GLI2: variants seen among roughly 807,000 people sequenced by gnomAD.
GLI2 encodes the protein GLI family zinc finger 2.
A neutral mutation model predicts 78.9 loss-of-function variants in GLI2; 22 were observed. The observed-to-expected ratio is 0.28, with a 90% confidence interval of 0.20 to 0.40. GLI2 has a LOEUF of 0.40. GLI2 is among the 10% of genes least tolerant of loss of function. GLI2 has a pLI of 1.00. For missense variants in GLI2, 2,097 were observed against 2,213.2 expected, an observed-to-expected ratio of 0.95 and a Z score of 1.05; for synonymous variants, 974 against 963.7, an observed-to-expected ratio of 1.01 and a Z score of -0.20.
At position 120,787,686 on chromosome 2, in the gene GLI2, G is replaced by A. The variant is rs543947019; in HGVS notation, c.-30-9605G>A. 1.1e-4 allele frequency among the ~76,000 whole-genome samples: 16 copies of A among 152,342 alleles called. No homozygotes were observed. The East Asian group carries it at 2.9e-3, about 28-fold the overall frequency. On this transcript the variant is annotated intron_variant, in intron 1 of 13. Transcript: ENST00000361492. Reference sequence around the variant, plus strand: ...GCTGTTAAAATATCTGGGTCTGGCGGGCCGGCCACACAGTGGGCCCCTTGT... The same window carrying A: ...GCTGTTAAAATATCTGGGTCTGGCGAGCCGGCCACACAGTGGGCCCCTTGT...
chr2:120,896,693 C>CCACACACA (rs1453185444), intron 2 of GLI2, among the ~76,000 whole-genome samples: 1 of 106,888 alleles, frequency 9.4e-6, no homozygotes, highest in Non-Finnish European at 1.9e-5. Context: ...TCACACACAC[C>CCACACACA]CATACACACA....
At chr2:120,824,902 C>T (rs929500985) in intron 2 of GLI2, among the ~76,000 whole-genome samples, 1 of 152,146 alleles carries the variant, frequency 6.6e-6, no homozygotes, top group South Asian at 2.1e-4. Flanking sequence ...GTGACACAAT[C>T]GTGGCCCACT....
chr2:120,925,730 C>G (rs1679629266), intron 2 of GLI2, among the ~76,000 whole-genome samples: 1 of 151,974 alleles, frequency 6.6e-6, no homozygotes, highest in African/African-American at 2.4e-5. Flanking sequence ...GTGATGATTA[C>G]ACAACAATGC....
chr2:120,895,513 G>C (rs956521384), intron 2 of GLI2, among the ~76,000 whole-genome samples: 7 of 152,082 alleles, frequency 4.6e-5, no homozygotes, highest in African/African-American at 1.7e-4. Context: ...GACCAACCTG[G>C]CCAACATGGT....
At chr2:120,973,732 G>A (rs901287485) in intron 8 of GLI2, among the ~76,000 whole-genome samples, 10 of 152,210 alleles carry the variant, frequency 6.6e-5, no homozygotes, top group Non-Finnish European at 1.2e-4. Context: ...GCTATTGTAC[G>A]ACATGTTGTT....
At chr2:120,841,849 G>T (rs952995235) in intron 2 of GLI2, among the ~76,000 whole-genome samples, 2 of 56,226 alleles carry the variant, frequency 3.6e-5, no homozygotes, top group Non-Finnish European at 6.7e-5. Flanking sequence ...AGTCTGGAGG[G>T]TGTGTGTGTG....
At chr2:120,910,787 C>T (rs1230585586) in intron 2 of GLI2, among the ~76,000 whole-genome samples, 1 of 152,214 alleles carries the variant, frequency 6.6e-6, no homozygotes, top group African/African-American at 2.4e-5. Flanking sequence ...CCCCTGGGTC[C>T]CTCCCGGACT....
intron 3 of GLI2, among the ~76,000 whole-genome samples, chr2:120,937,048 C>T (rs1053586141): frequency 6.6e-6 from 1 of 152,170 alleles, no homozygotes; most frequent in Non-Finnish European, 1.5e-5. Flanking sequence ...TCCATCCCCT[C>T]CTTCCAAGGA....
At chr2:120,845,298 GAA>G (rs1687062616) in intron 2 of GLI2, among the ~76,000 whole-genome samples, 1 of 151,962 alleles carries the variant, frequency 6.6e-6, no homozygotes, top group Admixed American at 6.6e-5. Flanking sequence ...AAATGAAGGA[GAA>G]AGAGATGCTT....
intron 2 of GLI2, among the ~76,000 whole-genome samples, chr2:120,808,785 T>C (rs941784438): frequency 4.6e-5 from 7 of 152,184 alleles, no homozygotes; most frequent in African/African-American, 1.4e-4. Context: ...CAGCCAACTC[T>C]GTAGTGCAGG....
At chr2:120,904,917 G>A (rs1389024514) in intron 2 of GLI2, among the ~76,000 whole-genome samples, 1 of 152,210 alleles carries the variant, frequency 6.6e-6, no homozygotes, top group Non-Finnish European at 1.5e-5. Flanking sequence ...GCTGGTGTGG[G>A]GCAGGGAGGC....
chr2:120,887,934 T>C (rs1031292600), intron 2 of GLI2, among the ~76,000 whole-genome samples: 23 of 152,282 alleles, frequency 1.5e-4, no homozygotes, highest in Middle Eastern at 3.4e-3. Flanking sequence ...ATTGCTCCAC[T>C]CCAAGCCAGG....
At chr2:120,899,505 G>A (rs183729566) in intron 2 of GLI2, among the ~76,000 whole-genome samples, 52 of 152,254 alleles carry the variant, frequency 3.4e-4, no homozygotes, top group Non-Finnish European at 6.0e-4. Context: ...CGAGTGCCCC[G>A]AGCCTGCTCC....
At position 120,990,103 on chromosome 2, in the gene GLI2, A is replaced by G; in HGVS notation, c.4138A>G (p.Arg1380Gly). 6.2e-7 allele frequency: 1 copy of G among 1,600,488 alleles called. No individual in the cohort carries two copies. Among genetic ancestry groups the G allele is most frequent in the South Asian group, 1.1e-5 (1 of 89,588 alleles). ...TGTGCAGCAGCAGCTGGCCTACGCCAGGGCCACAGGCCATGCCATGGCTGC... is the reference window on the plus strand; with the variant it reads ...TGTGCAGCAGCAGCTGGCCTACGCCGGGGCCACAGGCCATGCCATGGCTGC... ...RAVQQQLAYA[R>G]ATGHAMAAMP... is the part of the protein sequence containing the mutation. The change falls in exon 14 of 14, where the codon AGG becomes GGG. Residue 1380 changes from arginine to glycine, a missense_variant. Arg to Gly is a moderately radical substitution (Grantham distance 125, BLOSUM62 -2). Coordinates refer to ENST00000361492, the MANE Select transcript of GLI2 (RefSeq NM_001374353.1).
chr2:120,986,695 C>T, intron 13 of GLI2, 81 bp downstream of exon 13: 2 of 1,098,832 alleles, frequency 1.8e-6, no homozygotes, highest in Non-Finnish European at 2.7e-6. Flanking sequence ...CACCAAGCAC[C>T]AGTGCTATCT....
intron 5 of GLI2, among the ~76,000 whole-genome samples, chr2:120,961,082 G>A (rs567896019): frequency 1.3e-5 from 2 of 152,208 alleles, no homozygotes; most frequent in East Asian, 1.9e-4. Context: ...GTGATTTAAC[G>A]ACAGAACAGC....
intron 1 of GLI2, among the ~76,000 whole-genome samples, chr2:120,781,569 C>A (rs1399289344): frequency 1.3e-5 from 2 of 152,178 alleles, no homozygotes; most frequent in Non-Finnish European, 2.9e-5. Flanking sequence ...ATGGAAAAAG[C>A]AGAATGATGT....
intron 2 of GLI2, among the ~76,000 whole-genome samples, chr2:120,832,202 T>A (rs1187900044): frequency 1.3e-5 from 2 of 152,206 alleles, no homozygotes; most frequent in Admixed American, 6.5e-5. Flanking sequence ...CTCATCGGTC[T>A]TGAATTTGCC....
intron 2 of GLI2, among the ~76,000 whole-genome samples, chr2:120,819,557 TCCAC>T (rs1685666810): frequency 6.6e-6 from 1 of 152,138 alleles, no homozygotes; most frequent in Non-Finnish European, 1.5e-5. Context: ...GTATTTTCTA[TCCAC>T]CCTCGTTTTT....
Sources: gnomAD v4.1 joint callset for allele counts (sites outside exome capture counted in the v4.1 genomes callset) on GRCh38, gnomAD v4.1.1 for gene constraint, MANE v1.5 for transcripts, NCBI Gene and HGNC (gene_info 2026-07-23, HGNC 2026-07-21) for gene names.